The following TSPAN9 variants were observed in gnomAD, a reference collection of about 807,000 sequenced individuals.
TSPAN9 encodes tetraspanin-9.
In TSPAN9, 16 loss-of-function variants were observed where a neutral mutation model predicts 31.0. That is an observed-to-expected ratio of 0.52 (90% CI 0.35 to 0.78). The LOEUF (loss-of-function observed/expected upper bound fraction) is 0.78. Among genes scored for constraint, TSPAN9 ranks in the 30% least tolerant of loss-of-function variants. The pLI is 0.01. For synonymous variants in TSPAN9, 145 were observed against 121.6 expected (o/e 1.19, Z -1.27); for missense variants, 272 against 312.5 (o/e 0.87, Z 0.98).
chr12:3,241,933 T>C (rs1201890560), intron 3 of TSPAN9, among the ~76,000 whole-genome samples: 1 of 152,194 alleles, frequency 6.6e-6, no homozygotes. Flanking sequence ...GAGTTGGGGC[T>C]CCAGCACACA....
intron 3 of TSPAN9, among the ~76,000 whole-genome samples, chr12:3,233,362 A>AT (rs2098391787): frequency 6.6e-6 from 1 of 152,174 alleles, no homozygotes. Flanking sequence ...GTCACAACAC[A>AT]TCACCTCTAG....
chr12:3,281,943 A>G, intron 8 of TSPAN9, 126 bp downstream of exon 8: 1 of 1,072,846 alleles, frequency 9.3e-7, no homozygotes. Context: ...ACAGCTATTC[A>G]AGCTTAGCAG....
At position 3,278,558 on chromosome 12, in the gene TSPAN9, G is replaced by C. The variant is rs147946820; in HGVS notation, c.201G>C (p.Thr67=). ...CCATAGGCACCATTGTCATGGTGAC[G>C]GGCTTCCTCGGCTGCCTGGGGGCCA... ...VIAIGTIVMV[T]GFLGCLGAIK... is the part of the protein sequence containing the mutation. Residue 67 remains threonine, a synonymous_variant, in exon 4 of 9, where the codon ACG becomes ACC. Coordinates refer to ENST00000011898, the MANE Select transcript of TSPAN9 (RefSeq NM_006675.5). The C allele has an allele frequency of 6.2e-7, 1 of 1,614,132 alleles. No homozygotes were observed. The highest frequency in any genetic ancestry group is 8.5e-7 in the Non-Finnish European group (1 of 1,180,022).
intron 2 of TSPAN9, among the ~76,000 whole-genome samples, chr12:3,154,622 G>A (rs1039365327): frequency 2.6e-5 from 4 of 152,154 alleles, no homozygotes; most frequent in African/African-American, 9.7e-5. Flanking sequence ...TCAGCGTCCT[G>A]CTTTCATTGT....
intron 3 of TSPAN9, among the ~76,000 whole-genome samples, chr12:3,267,996 C>T (rs1401819619): frequency 2.0e-5 from 3 of 152,196 alleles, no homozygotes; most frequent in Non-Finnish European, 4.4e-5. Context: ...AAAGGCATGT[C>T]GAAGGGTCCT....
intron 3 of TSPAN9, chr12:3,206,324 C>T (rs572800450): frequency 4.2e-5 from 19 of 456,038 alleles, no homozygotes; most frequent in African/African-American, 2.8e-4. Flanking sequence ...TCGCAGAGGG[C>T]GGATCAGTTT....
chr12:3,198,583 AC>A (rs1333098485), intron 2 of TSPAN9, among the ~76,000 whole-genome samples: 2 of 106,632 alleles, frequency 1.9e-5, no homozygotes, highest in African/African-American at 3.4e-5. Flanking sequence ...AGCACAGGCC[AC>A]CACCAGCACA....
Position 3,081,425 on chromosome 12 carries a change from GTTCC to G in TSPAN9, c.-84-2224_-84-2221del, listed in dbSNP as rs1036536237. Among the ~76,000 whole-genome samples, 6 of 152,066 alleles carry G rather than the reference GTTCC, an allele frequency of 3.9e-5. 1 individual carries two copies. Among genetic ancestry groups the G allele is most frequent in the Non-Finnish European group, 8.8e-5 (6 of 68,032 alleles). ...CTTATCTCCCAAGCATGCTTTGCGC[GTTCC>G]TTCTTGGCCCCTTAGTTCATCCTCT... On this transcript the variant is annotated intron_variant, in intron 1 of 8. Coordinates refer to ENST00000011898, the MANE Select transcript of TSPAN9 (RefSeq NM_006675.5).
At position 3,172,064 on chromosome 12, in the gene TSPAN9, G is replaced by A. The variant is rs556571112; in HGVS notation, c.-17-29113G>A. ...ACTCAGGCTGAGCTGGATGATAAAC[G>A]AAAGTGGGACAGAGCTGCAGGATAA... On this transcript the variant is annotated intron_variant, in intron 2 of 8. Transcript: ENST00000011898. This position sits in a 1 kb window ranked among gnomAD's most constrained non-coding sequence, Gnocchi z 4.8. The A allele has an allele frequency of 5.3e-5, 8 of 152,358 alleles. No homozygotes were observed. Among genetic ancestry groups the A allele is most frequent in the East Asian group, 1.9e-4 (1 of 5,178 alleles). The allele number at this position is 152,358 out of a possible 1,614,324, so 9.4% of individuals were successfully genotyped here.
At chr12:3,163,751 A>G (rs1565598656) in intron 2 of TSPAN9, among the ~76,000 whole-genome samples, 1 of 152,208 alleles carries the variant, frequency 6.6e-6, no homozygotes, top group Non-Finnish European at 1.5e-5. Context: ...GTGAGACCAC[A>G]CTACTAAGGT....
In TSPAN9 at chr12:3,086,888, C is replaced by T. The variant is rs560938185; in HGVS notation, c.-18+3169C>T. Among the ~76,000 whole-genome samples, 96 of 152,344 alleles carry T rather than the reference C, an allele frequency of 6.3e-4. 1 individual carries two copies. Among genetic ancestry groups the T allele is most frequent in the Middle Eastern group, 3.4e-3 (1 of 294 alleles). On this transcript the variant is annotated intron_variant, in intron 2 of 8. Transcript: ENST00000011898. ...CTCGTGGGCAGTGACCCTGGCTGTGCGCACACTTGGAGGCACGCCGCCTCC... is the reference window on the plus strand; with the variant it reads ...CTCGTGGGCAGTGACCCTGGCTGTGTGCACACTTGGAGGCACGCCGCCTCC...
At chr12:3,123,641 A>G (rs941924906) in intron 2 of TSPAN9, among the ~76,000 whole-genome samples, 6 of 149,926 alleles carry the variant, frequency 4.0e-5, no homozygotes, top group Non-Finnish European at 8.9e-5. Context: ...TTTTTTTGGG[A>G]AAAATTATTA....
intron 3 of TSPAN9, among the ~76,000 whole-genome samples, chr12:3,225,422 C>CA (rs1393163278): frequency 2.0e-4 from 30 of 152,242 alleles, no homozygotes; most frequent in African/African-American, 5.8e-4. Flanking sequence ...GTGAGGCCTG[C>CA]AGAGACTGAA....
chr12:3,138,595 T>G (rs1483359361), intron 2 of TSPAN9, among the ~76,000 whole-genome samples: 1 of 151,818 alleles, frequency 6.6e-6, no homozygotes, highest in East Asian at 1.9e-4. Flanking sequence ...GTATTTGGTG[T>G]CTGGGACTAT....
At chr12:3,237,122 GGA>G (rs1162252456) in intron 3 of TSPAN9, among the ~76,000 whole-genome samples, 1 of 152,182 alleles carries the variant, frequency 6.6e-6, no homozygotes, top group African/African-American at 2.4e-5. Context: ...AATGTGTCCA[GGA>G]GAGAGGAGGG....
chr12:3,202,794 A>G (rs2098372707), intron 3 of TSPAN9, among the ~76,000 whole-genome samples: 1 of 152,168 alleles, frequency 6.6e-6, no homozygotes, highest in East Asian at 1.9e-4. Context: ...CAGCCACCCT[A>G]GTAGGAAGTT....
chr12:3,220,464 C>T (rs2098383842), intron 3 of TSPAN9, among the ~76,000 whole-genome samples: 2 of 152,322 alleles, frequency 1.3e-5, no homozygotes, highest in South Asian at 4.1e-4. Context: ...CCAGCGGTGC[C>T]TGCATAGTCT....
At chr12:3,248,895 C>T (rs1862193008) in intron 3 of TSPAN9, among the ~76,000 whole-genome samples, 1 of 152,234 alleles carries the variant, frequency 6.6e-6, no homozygotes, top group Non-Finnish European at 1.5e-5. Context: ...GATCCCACCA[C>T]CTGCCCAGCT....
chr12:3,267,553 G>A (rs924005096), intron 3 of TSPAN9, among the ~76,000 whole-genome samples: 2 of 152,186 alleles, frequency 1.3e-5, no homozygotes, highest in Non-Finnish European at 2.9e-5. Context: ...GGTTTCTTAA[G>A]CCCATCTTGC....
Sources: gnomAD v4.1 joint callset for allele counts (sites outside exome capture counted in the v4.1 genomes callset) on GRCh38, gnomAD v4.1.1 for gene constraint, Gnocchi (gnomAD v3.1) non-coding constraint, MANE v1.5 for transcripts, NCBI Gene and HGNC (gene_info 2026-07-23, HGNC 2026-07-21) for gene names.